Variants in LRMDA observed in about 807,000 individuals in gnomAD.
The protein encoded by LRMDA is leucine rich melanocyte differentiation associated.
LRMDA carries 18 observed loss-of-function variants against 29.8 expected under a neutral mutation model. That is an observed-to-expected ratio of 0.60 (90% confidence interval 0.42 to 0.90). The LOEUF (loss-of-function observed/expected upper bound fraction) is 0.90. Among genes scored for constraint, LRMDA ranks in the 40% least tolerant of loss-of-function variants. The pLI is 0.00. For synonymous variants in LRMDA, 125 were observed against 109.4 expected, an observed-to-expected ratio of 1.14 and a Z score of -0.89; for missense variants, 273 against 273.9, an observed-to-expected ratio of 1.00 and a Z score of 0.02.
chr10:75,929,030 C>T (rs1347836344), intron 2 of LRMDA, among the ~76,000 whole-genome samples: 1 of 152,182 alleles, frequency 6.6e-6, no homozygotes, highest in Non-Finnish European at 1.5e-5. Context: ...AGGAACCCTA[C>T]AATTCTCACC....
At chr10:76,026,310 T>C (rs1233948491) in intron 2 of LRMDA, among the ~76,000 whole-genome samples, 1 of 152,182 alleles carries the variant, frequency 6.6e-6, no homozygotes, top group African/African-American at 2.4e-5. Context: ...TTTAACATAG[T>C]TGGGGAGCAC....
At chr10:75,509,919 G>A (rs1217989453) in intron 2 of LRMDA, among the ~76,000 whole-genome samples, 11 of 152,150 alleles carry the variant, frequency 7.2e-5, no homozygotes, top group African/African-American at 2.7e-4. Context: ...GCTACTGATT[G>A]TGTGACTCTG....
At chr10:76,427,526 A>G (rs1221207662) in intron 6 of LRMDA, among the ~76,000 whole-genome samples, 1 of 152,162 alleles carries the variant, frequency 6.6e-6, no homozygotes, top group Non-Finnish European at 1.5e-5. Flanking sequence ...GGTTTTCTAG[A>G]TATACAATGA....
chr10:75,447,559 T>G (rs540201746), intron 2 of LRMDA, among the ~76,000 whole-genome samples: 12 of 152,208 alleles, frequency 7.9e-5, no homozygotes, highest in African/African-American at 2.6e-4. Context: ...TAGAAGACTT[T>G]GATTCTCTTT....
chr10:76,427,198 A>T (rs1842136883), intron 6 of LRMDA, among the ~76,000 whole-genome samples: 1 of 150,768 alleles, frequency 6.6e-6, no homozygotes, highest in African/African-American at 2.5e-5. Context: ...CTTGGGCAGT[A>T]TGGCCATTTT....
At chr10:76,034,629 C>T (rs776488274) in intron 2 of LRMDA, among the ~76,000 whole-genome samples, 1 of 152,164 alleles carries the variant, frequency 6.6e-6, no homozygotes, top group Non-Finnish European at 1.5e-5. Context: ...CTCTTGGCAG[C>T]GATCCCACAA....
chr10:75,935,894 G>A (rs1461398006), intron 2 of LRMDA, among the ~76,000 whole-genome samples: 1 of 152,196 alleles, frequency 6.6e-6, no homozygotes, highest in Non-Finnish European at 1.5e-5. Context: ...AGCAGAAAGA[G>A]AGAATGTGGG....
intron 2 of LRMDA, among the ~76,000 whole-genome samples, chr10:75,747,224 G>C (rs1842900390): frequency 6.6e-6 from 1 of 151,932 alleles, no homozygotes; most frequent in Non-Finnish European, 1.5e-5. Flanking sequence ...AGTAGGTTTA[G>C]AAAAAATAAT....
intron 2 of LRMDA, among the ~76,000 whole-genome samples, chr10:76,017,071 G>C (rs1031133810): frequency 6.6e-6 from 1 of 152,250 alleles, no homozygotes; most frequent in Non-Finnish European, 1.5e-5. Context: ...GATATCATCA[G>C]TTAAGAAGCG....
chr10:75,544,107 G>C (rs151168794), intron 2 of LRMDA, among the ~76,000 whole-genome samples: 1 of 152,190 alleles, frequency 6.6e-6, no homozygotes, highest in African/African-American at 2.4e-5. Flanking sequence ...GTGCACATGC[G>C]TTTGTGTGTG....
At chr10:75,647,995 A>G (rs10824322) in intron 2 of LRMDA, among the ~76,000 whole-genome samples, 1 of 147,020 alleles carries the variant, frequency 6.8e-6, no homozygotes, top group Non-Finnish European at 1.5e-5. Flanking sequence ...CCTCCAAATG[A>G]TACCAAATGC....
chr10:75,782,905 C>T, intron 2 of LRMDA: 1 of 1,608,470 alleles, frequency 6.2e-7, no homozygotes, highest in South Asian at 1.1e-5. Context: ...TCTCATGCCT[C>T]TTGCCAACAG....
chr10:75,620,972 C>G (rs1033590869), intron 2 of LRMDA, among the ~76,000 whole-genome samples: 10 of 152,090 alleles, frequency 6.6e-5, no homozygotes, highest in Non-Finnish European at 1.3e-4. Flanking sequence ...AGTGTGTAGT[C>G]TTTTATCCCT....
chr10:76,152,658 A>G (rs7895997), intron 5 of LRMDA, among the ~76,000 whole-genome samples: 56,189 of 151,858 alleles, frequency 0.37, 10,923 homozygotes, highest in African/African-American at 0.47. Flanking sequence ...AATACATGAG[A>G]GTTTCAATTT....
intron 5 of LRMDA, among the ~76,000 whole-genome samples, chr10:76,148,069 GC>G (rs1161227669): frequency 1.3e-5 from 2 of 152,172 alleles, no homozygotes; most frequent in Admixed American, 6.5e-5. Context: ...GGAGTACCCG[GC>G]CGTGTGAGGT....
chr10:76,464,182 G>C (rs1842541212), intron 6 of LRMDA, among the ~76,000 whole-genome samples: 1 of 152,070 alleles, frequency 6.6e-6, no homozygotes. Context: ...GCCTCCCAAA[G>C]TGCTGGGATT....
At chr10:76,095,590 G>A (rs1212104676) in intron 5 of LRMDA, among the ~76,000 whole-genome samples, 1 of 152,202 alleles carries the variant, frequency 6.6e-6, no homozygotes, top group African/African-American at 2.4e-5. Flanking sequence ...GTGGCTGGCT[G>A]TATCATTTTG....
Position 76,047,298 on chromosome 10 carries a change from A to T in LRMDA, c.393A>T (p.Arg131Ser), listed in dbSNP as rs754598390. The T allele has an allele frequency of 6.2e-7, 1 of 1,609,250 alleles. No individual in the cohort carries two copies. The highest frequency in any genetic ancestry group is 1.3e-5 in the African/African-American group (1 of 74,762). Reference sequence around the variant, plus strand: ...AAAAGGATGAGGAAGACTACAAGAGATACAGGTGAGTGTCCAGGGGTTGGA... The same window carrying T: ...AAAAGGATGAGGAAGACTACAAGAGTTACAGGTGAGTGTCCAGGGGTTGGA... ...SLEKDEEDYK[R>S]YRCFVLYKLP... The change falls in exon 4 of 7, where the codon AGA becomes AGT. Residue 131 changes from arginine to serine, a missense_variant. Arg to Ser is a moderately radical substitution (Grantham distance 110). Coordinates refer to ENST00000611255, the MANE Select transcript of LRMDA (RefSeq NM_001305581.2).
chr10:76,036,813 G>T (rs2132030294), intron 3 of LRMDA, among the ~76,000 whole-genome samples: 2 of 152,230 alleles, frequency 1.3e-5, no homozygotes, highest in South Asian at 4.2e-4. Context: ...ATGGAAACAG[G>T]GAACCCTTGC....
Sources: allele counts gnomAD v4.1 joint callset (sites outside exome capture counted in the v4.1 genomes callset), GRCh38; gene constraint gnomAD v4.1.1; transcripts MANE v1.5; gene names NCBI Gene and HGNC (gene_info 2026-07-23, HGNC 2026-07-21).